Variants in BBOF1 observed in about 807,000 individuals in gnomAD.
BBOF1 encodes the protein basal body-orientation factor 1.
Under a neutral mutation model 68.0 loss-of-function variants are expected in BBOF1, and 62 were observed. The observed-to-expected ratio is 0.91, with a 90% CI of 0.74 to 1.13. The LOEUF is 1.13. BBOF1 is among the 50% of genes most tolerant of loss of function. The pLI is 0.00. For synonymous variants in BBOF1, 208 were observed against 198.8 expected, an observed-to-expected ratio of 1.05 and a Z score of -0.39; for missense variants, 534 against 600.1, an observed-to-expected ratio of 0.89 and a Z score of 1.15.
chr14:74,038,644 T>C (rs980200835), intron 4 of BBOF1, among the ~76,000 whole-genome samples: 9 of 152,212 alleles, frequency 5.9e-5, no homozygotes, highest in Admixed American at 3.3e-4. Flanking sequence ...GAATTCATTA[T>C]ACAAATTACA....
At position 74,019,536 on chromosome 14, in the gene BBOF1, T is replaced by A; in HGVS notation, c.56+2T>A. 6.3e-7 allele frequency: 1 copy of A among 1,595,312 alleles called. No homozygotes were observed. On this transcript the variant is annotated splice_donor_variant, in intron 1 of 11. Transcript: ENST00000394009. LOFTEE classifies it high-confidence loss of function. ...CAAGAGCAAAGGCAAAGACACGAAG[T>A]AAGGAGAAGCCACCCGAGAGTCCCC...
chr14:74,070,644 T>C (rs991855135), downstream of BBOF1: 2 of 153,696 alleles, frequency 1.3e-5, no homozygotes, highest in Admixed American at 6.3e-5. Flanking sequence ...TCAGCCTTCC[T>C]GGATGGGTAT....
chr14:74,071,436 G>A (rs377741820), intron 9 of BBOF1: 4 of 1,614,074 alleles, frequency 2.5e-6, no homozygotes, highest in Non-Finnish European at 8.5e-7. Context: ...TGTCTTTGGT[G>A]ATGGATGGCA....
At chr14:74,079,463 T>C (rs1275129864) in intron 10 of BBOF1, among the ~76,000 whole-genome samples, 1 of 149,770 alleles carries the variant, frequency 6.7e-6, no homozygotes, top group African/African-American at 2.5e-5. Context: ...AGACAGAGTC[T>C]CACTCTGTCG....
chr14:74,057,806 G>A, intron 11 of BBOF1: 1 of 1,032,844 alleles, frequency 9.7e-7, no homozygotes, highest in Admixed American at 5.4e-5. Flanking sequence ...TAACTGATGA[G>A]TTTTTTTCAT....
chr14:74,036,683 C>CAAAAAA (rs35152747), intron 4 of BBOF1, among the ~76,000 whole-genome samples: 1 of 108,472 alleles, frequency 9.2e-6, no homozygotes, highest in African/African-American at 3.8e-5. Flanking sequence ...GACTCTGTCT[C>CAAAAAA]AAAAAAAAAA....
At chr14:74,060,823 G>T in intron 11 of BBOF1, 1 of 1,012,666 alleles carries the variant, frequency 9.9e-7, no homozygotes, top group Non-Finnish European at 1.6e-6. Flanking sequence ...TTTGAAGGAG[G>T]TATTATAAAG....
Position 74,037,274 on chromosome 14 carries a change from CTTTTTTT to C in BBOF1, c.495+3124_495+3130del, listed in dbSNP as rs892262272. ...AGGTGTGAACCACCACGCCTGGCCT[CTTTTTTT>C]TTTTTTTTTTTTTTTTTTTTCTTTT... On this transcript the variant is annotated intron_variant, in intron 4 of 11. Coordinates refer to ENST00000394009, the MANE Select transcript of BBOF1 (RefSeq NM_025057.3). 1.5e-4 allele frequency among the ~76,000 whole-genome samples: 10 copies of C among 66,012 alleles called. No homozygotes were observed. In the South Asian group the frequency reaches 2.2e-3, roughly 14 times the overall value. The allele number at this position is 66,012 out of a possible 152,430, so 43.3% of individuals were successfully genotyped here.
At chr14:74,046,182 G>A (rs1381449893) in intron 6 of BBOF1, 52 bp downstream of exon 6, 2 of 1,461,194 alleles carry the variant, frequency 1.4e-6, no homozygotes, top group African/African-American at 1.4e-5. Context: ...TTACCTCTTT[G>A]CTGGTCTCTT....
intron 11 of BBOF1, among the ~76,000 whole-genome samples, chr14:74,063,723 A>C (rs10129682): frequency 6.6e-6 from 1 of 150,550 alleles, no homozygotes. Context: ...AAAATTAGCC[A>C]AGTGTGGTGG....
intron 5 of BBOF1, among the ~76,000 whole-genome samples, chr14:74,043,279 G>A (rs565078589): frequency 1.6e-3 from 238 of 151,806 alleles, no homozygotes; most frequent in African/African-American, 5.3e-3. Context: ...GGCCAGGCGC[G>A]GTGGCTCACG....
intron 7 of BBOF1, among the ~76,000 whole-genome samples, chr14:74,048,870 A>G (rs973772452): frequency 2.6e-5 from 4 of 152,112 alleles, no homozygotes; most frequent in African/African-American, 9.7e-5. Context: ...ATGTTTTACT[A>G]TATAGTTATA....
intron 9 of BBOF1, among the ~76,000 whole-genome samples, chr14:74,056,570 A>AGAT (rs910184715): frequency 2.6e-5 from 4 of 152,082 alleles, no homozygotes; most frequent in African/African-American, 9.7e-5. Flanking sequence ...TCCTGACCTC[A>AGAT]GATGATCCAC....
chr14:74,029,388 A>G (rs1362266515), intron 3 of BBOF1, 139 bp downstream of exon 3: 1 of 555,002 alleles, frequency 1.8e-6, no homozygotes, highest in African/African-American at 1.9e-5. Context: ...TTGTATAGAA[A>G]TTCAAAAAAC....
chr14:74,067,387 G>T, downstream of BBOF1: 1 of 1,613,172 alleles, frequency 6.2e-7, no homozygotes, highest in South Asian at 1.1e-5. Flanking sequence ...TACCTGCATT[G>T]ACTCTCAGGT....
chr14:74,040,214 A>G (rs991683435), intron 4 of BBOF1, among the ~76,000 whole-genome samples: 1 of 152,136 alleles, frequency 6.6e-6, no homozygotes, highest in Admixed American at 6.6e-5. Context: ...GCTGGTCTCA[A>G]ACTTCTTCAA....
intron 9 of BBOF1, among the ~76,000 whole-genome samples, chr14:74,074,268 C>T (rs932898557): frequency 2.0e-5 from 3 of 147,604 alleles, no homozygotes; most frequent in East Asian, 2.1e-4. Context: ...TGAGCCACTG[C>T]GCCCGGCCCC....
intron 8 of BBOF1, among the ~76,000 whole-genome samples, chr14:74,051,288 G>A (rs1251671393): frequency 4.6e-5 from 7 of 151,336 alleles, no homozygotes; most frequent in African/African-American, 1.2e-4. Flanking sequence ...GCGTGGTGGC[G>A]GGGGTCTGTA....
intron 8 of BBOF1, among the ~76,000 whole-genome samples, chr14:74,053,056 T>C (rs72725920): frequency 0.053 from 8,000 of 151,924 alleles, 388 homozygotes; most frequent in African/African-American, 0.12. Context: ...ATAAAATAAA[T>C]TTTTTAAAAA....
Sources: gnomAD v4.1 joint callset for allele counts (sites outside exome capture counted in the v4.1 genomes callset) on GRCh38, gnomAD v4.1.1 for gene constraint, MANE v1.5 for transcripts, NCBI Gene and HGNC (gene_info 2026-07-23, HGNC 2026-07-21) for gene names.